The following TLR5 variants were observed in gnomAD, a reference collection of about 807,000 sequenced individuals.
TLR5 encodes toll like receptor 5, also known as toll-like receptor 5.
For missense variants in TLR5, 944 were observed against 999.8 expected, an observed-to-expected ratio of 0.94 and a Z score of 0.75; for synonymous variants, 373 against 384.4, an observed-to-expected ratio of 0.97 and a Z score of 0.35.
intron 2 of TLR5, chr1:223,141,342 C>T (rs1211500969): frequency 6.6e-6 from 1 of 152,146 alleles, no homozygotes; most frequent in Non-Finnish European, 1.5e-5. Context: ...GACAATGGCA[C>T]CTACATGCTT....
At position 223,111,985 on chromosome 1, in the gene TLR5, C is replaced by A; in HGVS notation, c.1047G>T (p.Gly349=). 1 of 1,614,040 alleles carries A rather than the reference C, an allele frequency of 6.2e-7. No homozygotes were observed. The highest frequency in any genetic ancestry group is 2.2e-5 in the East Asian group (1 of 44,888). ...QVLNLSYNLL[G]ELYSSNFYGL... ...CATAGAAATTCGAACTGTAAAGTTC[C>A]CCCAGAAGGTTATATGACAAATTGA... The change falls in exon 6 of 6, where the codon GGG becomes GGT. Residue 349 remains glycine, a synonymous_variant. Transcript: ENST00000642603.
intron 5 of TLR5, among the ~76,000 whole-genome samples, chr1:223,124,495 G>GT (rs1657088281): frequency 6.6e-6 from 1 of 151,816 alleles, no homozygotes; most frequent in African/African-American, 2.4e-5. Flanking sequence ...CCCCCTTAAG[G>GT]TAGCACAGTT....
At chr1:223,135,989 T>C (rs1439603238) in intron 3 of TLR5, among the ~76,000 whole-genome samples, 1 of 152,144 alleles carries the variant, frequency 6.6e-6, no homozygotes, top group Non-Finnish European at 1.5e-5. Flanking sequence ...CCCTAGTCAT[T>C]GGTCCAGGGC....
chr1:223,111,706 G>A lies in TLR5; in HGVS notation c.1326C>T (p.Tyr442=), dbSNP rs1188776329. The change falls in exon 6 of 6, where the codon TAC becomes TAT. Residue 442 remains tyrosine (Y), a synonymous_variant. Transcript: ENST00000642603. The part of the protein sequence containing the change: ...ENRLENLDIL[Y]FLLRVPHLQI... ...GGAGATGAGGTACCCGTAGGAGAAA[G>A]TAGAGAATATCTAGATTTTCTAGCC... is the stretch of plus-strand genomic sequence containing the variant. The A allele has an allele frequency of 3.7e-6, 6 of 1,614,082 alleles. No homozygotes were observed. The highest frequency in any genetic ancestry group is 5.1e-6 in the Non-Finnish European group (6 of 1,180,058).
intron 3 of TLR5, among the ~76,000 whole-genome samples, chr1:223,136,397 C>G (rs1041611216): frequency 6.6e-6 from 1 of 152,148 alleles, no homozygotes; most frequent in Non-Finnish European, 1.5e-5. Flanking sequence ...AGTGACACAA[C>G]CTGGGGTGAT....
rs201656581 is a variant in TLR5 at position 223,112,292 on chromosome 1, C to G, written c.740G>C (p.Ser247Thr). 1.2e-6 allele frequency: 2 copies of G among 1,614,036 alleles called. No individual in the cohort carries two copies. The highest frequency in any genetic ancestry group is 2.7e-5 in the African/African-American group (2 of 74,906). ...GGCCTGGCTTTTGCTGATGGCATTG[C>G]TAAAGTTTCCTGTGATGTCCACTGT... ...GWTVDITGNF[S>T]NAISKSQAFS... Residue 247 changes from serine (S) to threonine (T), a missense_variant, in exon 6 of 6, where the codon AGC (serine) becomes ACC (threonine). By Grantham distance (58) the Ser-to-Thr change is moderately conservative (BLOSUM62 1). Coordinates refer to ENST00000642603, the MANE Select transcript of TLR5 (RefSeq NM_003268.6).
chr1:223,141,816 TATATATAGAGAGAGAGAGAG>T (rs1370508473), intron 1 of TLR5, 53 bp from the exon 2 acceptor site: 20 of 43,528 alleles, frequency 4.6e-4, no homozygotes, highest in South Asian at 1.8e-3. Flanking sequence ...TATATATATA[TATATATAGAGAGAGAGAGAG>T]AGAGAGAGAG....
chr1:223,141,810 TATATATATATATAGAGAGAG>T lies in TLR5; in HGVS notation c.-554-67_-554-48del, dbSNP rs1207791387. On this transcript the variant is annotated intron_variant, in intron 1 of 5. Transcript: ENST00000642603. ...ATATATATATATATATATATATATA[TATATATATATATAGAGAGAG>T]AGAGAGAGAGAGAGAGAGAGAGAGA... 265 of 70,692 alleles carry T rather than the reference TATATATATATATAGAGAGAG, an allele frequency of 3.7e-3. 2 individuals carry two copies. Among genetic ancestry groups the T allele is most frequent in the Middle Eastern group, 0.018 (2 of 112 alleles). The allele number at this position is 70,692 out of a possible 1,614,324, so 4.4% of individuals were successfully genotyped here.
Position 223,111,085 on chromosome 1 carries a change from A to G in TLR5, c.1947T>C (p.Thr649=). The change falls in exon 6 of 6, where the codon ACT becomes ACC. Residue 649 remains threonine, a synonymous_variant. Coordinates refer to ENST00000642603, the MANE Select transcript of TLR5 (RefSeq NM_003268.6). The part of the protein sequence containing the change: ...KFSLFIVCTV[T]LTLFLMTILT... ...GGATGGTCATGAGGAACAGAGTCAG[A>G]GTGACAGTGCATACAATGAAAAGGG... 1.9e-6 allele frequency: 3 copies of G among 1,614,226 alleles called. No individual in the cohort carries two copies. Among genetic ancestry groups the G allele is most frequent in the Non-Finnish European group, 2.5e-6 (3 of 1,180,042 alleles).
chr1:223,115,905 T>G (rs1167019290), intron 5 of TLR5, among the ~76,000 whole-genome samples: 1 of 152,198 alleles, frequency 6.6e-6, no homozygotes, highest in Non-Finnish European at 1.5e-5. Context: ...CCAGCCATCC[T>G]GGAATACACA....
At chr1:223,142,623 T>C (rs1208661722) in intron 1 of TLR5, among the ~76,000 whole-genome samples, 12 of 152,284 alleles carry the variant, frequency 7.9e-5, no homozygotes, top group Non-Finnish European at 2.9e-5. Context: ...GGCAGGCTTT[T>C]TTTTCCCCCT....
intron 5 of TLR5, chr1:223,126,718 C>T (rs1010882584): frequency 5.9e-5 from 9 of 152,232 alleles, no homozygotes; most frequent in Admixed American, 4.6e-4. Flanking sequence ...CCAAGTGATT[C>T]TCTTAGAGGA....
At chr1:223,139,663 T>C (rs1394265970) in intron 2 of TLR5, among the ~76,000 whole-genome samples, 1 of 151,844 alleles carries the variant, frequency 6.6e-6, no homozygotes, top group African/African-American at 2.4e-5. Flanking sequence ...AGGTGGGAGC[T>C]GGTGGAAGAT....
chr1:223,120,928 C>T (rs1035277316), intron 5 of TLR5, among the ~76,000 whole-genome samples: 1 of 152,038 alleles, frequency 6.6e-6, no homozygotes, highest in Non-Finnish European at 1.5e-5. Flanking sequence ...CCAAAAAATG[C>T]AAAAATTGGC....
At chr1:223,114,268 T>G (rs1351067066) in intron 5 of TLR5, among the ~76,000 whole-genome samples, 1 of 152,156 alleles carries the variant, frequency 6.6e-6, no homozygotes, top group East Asian at 1.9e-4. Flanking sequence ...TTCCAAGTAT[T>G]GTGCTGGGTG....
At chr1:223,134,171 C>T (rs1007992672) in intron 4 of TLR5, among the ~76,000 whole-genome samples, 4 of 152,168 alleles carry the variant, frequency 2.6e-5, no homozygotes, top group Non-Finnish European at 5.9e-5. Context: ...AGCCTGCTTC[C>T]GGCTTCCAGG....
intron 3 of TLR5, among the ~76,000 whole-genome samples, chr1:223,135,914 CT>C (rs978560799): frequency 4.4e-4 from 67 of 152,060 alleles, no homozygotes; most frequent in African/African-American, 1.3e-3. Flanking sequence ...TGAGATTTGA[CT>C]TTTTTTTCCC....
chr1:223,133,257 T>G (rs1161326729), intron 4 of TLR5, among the ~76,000 whole-genome samples: 2 of 152,200 alleles, frequency 1.3e-5, no homozygotes, highest in Non-Finnish European at 2.9e-5. Flanking sequence ...GATCTCACAT[T>G]TATTACACTG....
chr1:223,127,025 T>G (rs1657194369), intron 5 of TLR5: 1 of 152,208 alleles, frequency 6.6e-6, no homozygotes, highest in Non-Finnish European at 1.5e-5. Context: ...GCTTGGGGAG[T>G]TATGGGCCAT....
Sources: gnomAD v4.1 joint callset for allele counts (sites outside exome capture counted in the v4.1 genomes callset) on GRCh38, gnomAD v4.1.1 for gene constraint, MANE v1.5 for transcripts, NCBI Gene and HGNC (gene_info 2026-07-23, HGNC 2026-07-21) for gene names.